The following MEP1B variants were observed in gnomAD, a reference collection of about 807,000 sequenced individuals.
The protein encoded by MEP1B is N-benzoyl-L-tyrosyl-P-amino-benzoic acid hydrolase subunit beta.
In MEP1B, 80 loss-of-function variants were observed where a neutral mutation model predicts 84.6. The observed-to-expected ratio is 0.95, with a 90% CI of 0.79 to 1.14. The LOEUF is 1.14. MEP1B is among the 50% of genes most tolerant of loss of function. The pLI is 0.00. For missense variants in MEP1B, 766 were observed against 855.1 expected, an observed-to-expected ratio of 0.90 and a Z score of 1.30; for synonymous variants, 273 against 288.1, an observed-to-expected ratio of 0.95 and a Z score of 0.53.
At chr18:32,204,105 C>T in intron 6 of MEP1B, 77 bp from the exon 7 acceptor site, 1 of 1,251,992 alleles carries the variant, frequency 8.0e-7, no homozygotes, top group East Asian at 2.5e-5. Context: ...ATGAAGTGGA[C>T]TAGGCAGTGG....
chr18:32,192,923 C>A, intron 4 of MEP1B, 106 bp downstream of exon 4: 1 of 807,246 alleles, frequency 1.2e-6, no homozygotes, highest in Non-Finnish European at 2.1e-6. Context: ...GCCTAACTAT[C>A]TCTAAGGGTG....
In MEP1B at chr18:32,210,800, A is replaced by G; in HGVS notation, c.1135+84A>G. On this transcript the variant is annotated intron_variant, in intron 10 of 14. Transcript: ENST00000269202. ...TTTAGTTAATGCAACAATTTACAAT[A>G]GGGCAGGGGCTACTGAGTCACTATA... 3 of 1,099,394 alleles carry G rather than the reference A, an allele frequency of 2.7e-6. No homozygotes were observed. The Admixed American group carries it at 5.5e-5, about 20-fold the overall frequency. 68.1% of individuals were successfully genotyped at this position (1,099,394 alleles called of 1,614,324 possible).
intron 5 of MEP1B, among the ~76,000 whole-genome samples, chr18:32,199,406 A>G (rs2040886407): frequency 1.3e-5 from 2 of 152,142 alleles, no homozygotes; most frequent in South Asian, 2.1e-4. Context: ...AGGAAGATCT[A>G]GTGGAAGTTA....
At chr18:32,191,888 T>C in intron 2 of MEP1B, 48 bp downstream of exon 2, 1 of 1,191,106 alleles carries the variant, frequency 8.4e-7, no homozygotes, top group Non-Finnish European at 1.2e-6. Flanking sequence ...ACCTAGGACA[T>C]ATTTAATGCT....
At position 32,210,609 on chromosome 18, in the gene MEP1B, T is replaced by C. The variant is rs377733975; in HGVS notation, c.1028T>C (p.Phe343Ser). 5 of 1,613,834 alleles carry C rather than the reference T, an allele frequency of 3.1e-6. No individual in the cohort carries two copies. In the African/African-American group the frequency reaches 5.3e-5, roughly 17 times the overall value. ...YPKRGFQCLQ[F>S]YLYNSGSESD... The stretch of plus-strand genomic sequence containing the variant: ...AAAAGAGGATTTCAGTGCCTGCAAT[T>C]TTACTTATATAACAGTGGCAGTGAA... The change falls in exon 10 of 15, where the codon TTT (phenylalanine) becomes TCT (serine). Residue 343 changes from phenylalanine to serine, a missense_variant. Coordinates refer to ENST00000269202, the MANE Select transcript of MEP1B (RefSeq NM_005925.3).
Position 32,215,129 on chromosome 18 carries a change from G to C in MEP1B, c.1627G>C (p.Ala543Pro). 1.2e-6 allele frequency: 2 copies of C among 1,608,534 alleles called. No individual in the cohort carries two copies. The highest frequency in any genetic ancestry group is 1.7e-6 in the Non-Finnish European group (2 of 1,176,960). The change falls in exon 12 of 15, where the codon GCT becomes CCT. Residue 543 changes from alanine (A) to proline (P), a missense_variant. Ala to Pro is a conservative substitution (Grantham distance 27). Transcript: ENST00000269202. The stretch of plus-strand genomic sequence containing the variant: ...CAGGCCTTCTAAAGTGGGAACAGTG[G>C]CTTTGTTCTCTAATGGAACTCAGTT... ...WDRPSKVGTV[A>P]LFSNGTQFRR...
intron 4 of MEP1B, among the ~76,000 whole-genome samples, chr18:32,193,941 A>G (rs926996567): frequency 6.6e-6 from 1 of 152,144 alleles, no homozygotes; most frequent in Non-Finnish European, 1.5e-5. Context: ...GGTCTATCCA[A>G]GCACTAATTT....
At chr18:32,194,238 T>A (rs2040830528) in intron 4 of MEP1B, among the ~76,000 whole-genome samples, 2 of 152,180 alleles carry the variant, frequency 1.3e-5, no homozygotes, top group East Asian at 3.9e-4. Context: ...TCAGGCCCCA[T>A]CATCTCTTGC....
chr18:32,208,017 G>A (rs2144410159), intron 8 of MEP1B, 102 bp from the exon 9 acceptor site: 12 of 1,256,010 alleles, frequency 9.6e-6, no homozygotes, highest in Non-Finnish European at 1.4e-5. Context: ...GGTGTTCCCT[G>A]TAATACCAAC....
chr18:32,216,466 C>A (rs2041090734), intron 12 of MEP1B, among the ~76,000 whole-genome samples: 1 of 152,166 alleles, frequency 6.6e-6, no homozygotes, highest in Non-Finnish European at 1.5e-5. Context: ...TTTGCTCTAC[C>A]AAGCCAGAGA....
intron 4 of MEP1B, among the ~76,000 whole-genome samples, chr18:32,193,371 C>T (rs1412238040): frequency 2.0e-5 from 3 of 152,092 alleles, no homozygotes; most frequent in Non-Finnish European, 4.4e-5. Context: ...AAAAAGTTCA[C>T]TATCATGAAA....
intron 5 of MEP1B, among the ~76,000 whole-genome samples, chr18:32,199,701 T>TTCCTTCCTTCCTTCCC (rs2040892104): frequency 6.6e-6 from 1 of 150,884 alleles, no homozygotes; most frequent in Non-Finnish European, 1.5e-5. Context: ...CCTTCCTTCC[T>TTCCTTCCTTCCTTCCC]TCCTTCCTTC....
intron 7 of MEP1B, among the ~76,000 whole-genome samples, chr18:32,205,398 C>T (rs945688206): frequency 3.3e-5 from 5 of 152,208 alleles, no homozygotes; most frequent in Non-Finnish European, 7.3e-5. Context: ...AAGGGCATTG[C>T]TATTATGTCT....
In MEP1B at chr18:32,217,136, A is replaced by C. The variant is rs2041098977; in HGVS notation, c.1886+19A>C. The C allele has an allele frequency of 6.2e-7, 1 of 1,610,210 alleles. No homozygotes were observed. Among genetic ancestry groups the C allele is most frequent in the South Asian group, 1.1e-5 (1 of 90,470 alleles). On this transcript the variant is annotated intron_variant, in intron 13 of 14. Coordinates refer to ENST00000269202, the MANE Select transcript of MEP1B (RefSeq NM_005925.3). ...AGTGCAGGTAAGGATGATTTGAAAG[A>C]GATCTCTCCATTCTTTGGTTAGAAA...
rs1258507477 is a variant in MEP1B, at chr18:32,191,685, TAAATACATGTCAGGAA to T, written c.64-136_64-121del. The T allele has an allele frequency of 7.7e-6, 4 of 519,966 alleles. No homozygotes were observed. In the African/African-American group the frequency reaches 7.9e-5, roughly 10 times the overall value. The allele number at this position is 519,966 out of a possible 1,614,324, so 32.2% of individuals were successfully genotyped here. A position where few individuals can be genotyped will look rare whatever the true frequency, so the allele number is the denominator to read the frequency against. ...ATCTTAAACTTCAATTTAGCCATCCTAAATACATGTCAGGAAGTAATCCATAATATTAATGACAAAA... is the reference window on the plus strand; with the variant it reads ...ATCTTAAACTTCAATTTAGCCATCCTGTAATCCATAATATTAATGACAAAA... On this transcript the variant is annotated intron_variant, in intron 1 of 14. Transcript: ENST00000269202.
intron 5 of MEP1B, among the ~76,000 whole-genome samples, chr18:32,200,074 A>G (rs1396890059): frequency 1.3e-5 from 2 of 152,094 alleles, no homozygotes; most frequent in African/African-American, 2.4e-5. Flanking sequence ...TATTTTTTAA[A>G]CAACATTATA....
chr18:32,195,538 T>C, intron 5 of MEP1B, 53 bp downstream of exon 5: 1 of 1,212,032 alleles, frequency 8.3e-7, no homozygotes, highest in Non-Finnish European at 1.2e-6. Flanking sequence ...TGACAAAATA[T>C]GATTATAGTG....
chr18:32,210,517 G>C lies in MEP1B; in HGVS notation c.936G>C (p.Met312Ile). ...MGQCQGSGFF[M>I]HFDSSSVNVG... Reference sequence around the variant, plus strand: ...CTTTAACAGGTTCTGGTTTCTTCATGCATTTCGATAGCAGCTCTGTAAATG... The same window carrying C: ...CTTTAACAGGTTCTGGTTTCTTCATCCATTTCGATAGCAGCTCTGTAAATG... The change falls in exon 10 of 15, where the codon ATG becomes ATC. Residue 312 changes from methionine (M) to isoleucine (I), a missense_variant. Met to Ile is a conservative substitution (Grantham distance 10). Coordinates refer to ENST00000269202, the MANE Select transcript of MEP1B (RefSeq NM_005925.3). The C allele has an allele frequency of 1.2e-6, 2 of 1,613,758 alleles. No homozygotes were observed. Among genetic ancestry groups the C allele is most frequent in the Non-Finnish European group, 1.7e-6 (2 of 1,179,752 alleles).
At chr18:32,204,952 C>T (rs1319557214) in intron 7 of MEP1B, among the ~76,000 whole-genome samples, 1 of 152,168 alleles carries the variant, frequency 6.6e-6, no homozygotes, top group Admixed American at 6.5e-5. Context: ...AGCCCATGCC[C>T]TAATTACCTC....
Sources: gnomAD v4.1 joint callset for allele counts (sites outside exome capture counted in the v4.1 genomes callset) on GRCh38, gnomAD v4.1.1 for gene constraint, MANE v1.5 for transcripts, NCBI Gene and HGNC (gene_info 2026-07-23, HGNC 2026-07-21) for gene names.